Variants in POFUT3 observed in about 807,000 individuals in gnomAD.
The protein encoded by POFUT3 is GDP-fucose protein O-fucosyltransferase 3.
At chr8:33,347,391 A>C in the POFUT3 span, among the ~76,000 whole-genome samples, 1 of 152,232 alleles carries the variant, frequency 6.6e-6, no homozygotes, top group Non-Finnish European at 1.5e-5. Context: ...CAAATTATCT[A>C]AATTAATTAT....
chr8:33,314,034 C>G, the POFUT3 span, among the ~76,000 whole-genome samples: 1 of 152,162 alleles, frequency 6.6e-6, no homozygotes, highest in Admixed American at 6.6e-5. Context: ...CTCCCTATAA[C>G]TCTGCCTACT....
chr8:33,355,443 T>G, the POFUT3 span, among the ~76,000 whole-genome samples: 1 of 152,162 alleles, frequency 6.6e-6, no homozygotes, highest in East Asian at 1.9e-4. Flanking sequence ...TGATCTGTTC[T>G]GAAAACTCCC....
the POFUT3 span, among the ~76,000 whole-genome samples, chr8:33,357,946 G>A: frequency 6.6e-6 from 1 of 152,086 alleles, no homozygotes; most frequent in African/African-American, 2.4e-5. Flanking sequence ...TCTACATTAT[G>A]GAATATTCTA....
the POFUT3 span, among the ~76,000 whole-genome samples, chr8:33,327,992 C>CTTAT: frequency 6.6e-6 from 1 of 152,172 alleles, no homozygotes; most frequent in African/African-American, 2.4e-5. Context: ...AGAGGCCACT[C>CTTAT]AATAGGGCAT....
the POFUT3 span, among the ~76,000 whole-genome samples, chr8:33,439,026 C>T: frequency 6.6e-6 from 1 of 152,214 alleles, no homozygotes; most frequent in Non-Finnish European, 1.5e-5. Context: ...TATCTATCTT[C>T]AAATCACATC....
At chr8:33,355,863 T>G in the POFUT3 span, among the ~76,000 whole-genome samples, 1 of 152,138 alleles carries the variant, frequency 6.6e-6, no homozygotes, top group South Asian at 2.1e-4. Context: ...GATGTTCCCC[T>G]TTCTGTGTCC....
chr8:33,409,832 G>A, the POFUT3 span, among the ~76,000 whole-genome samples: 1 of 152,230 alleles, frequency 6.6e-6, no homozygotes, highest in South Asian at 2.1e-4. Context: ...GTGAACCCAT[G>A]AGGCGGAGCT....
At chr8:33,375,642 T>C in the POFUT3 span, among the ~76,000 whole-genome samples, 1 of 152,232 alleles carries the variant, frequency 6.6e-6, no homozygotes. Flanking sequence ...ACTACATGGT[T>C]TATTTTTTAA....
the POFUT3 span, among the ~76,000 whole-genome samples, chr8:33,385,941 G>T: frequency 1.9e-4 from 28 of 150,844 alleles, no homozygotes; most frequent in African/African-American, 6.8e-4. Context: ...TAATCCCAGA[G>T]CTTTGGGAGG....
chr8:33,372,402 C>T, the POFUT3 span: 2 of 1,393,552 alleles, frequency 1.4e-6, no homozygotes, highest in Non-Finnish European at 1.9e-6. Context: ...ATAGTGGCTA[C>T]CCCTAAGGGT....
chr8:33,412,469 G>C, the POFUT3 span, among the ~76,000 whole-genome samples: 1 of 152,226 alleles, frequency 6.6e-6, no homozygotes, highest in East Asian at 1.9e-4. Context: ...TGCAGGTACA[G>C]CACAGGGAAA....
chr8:33,418,715 C>A, the POFUT3 span, among the ~76,000 whole-genome samples: 2 of 152,192 alleles, frequency 1.3e-5, no homozygotes, highest in African/African-American at 4.8e-5. Context: ...ATCCAGCAAT[C>A]CCACTGCTGG....
chr8:33,393,556 C>T, the POFUT3 span, among the ~76,000 whole-genome samples: 1 of 152,240 alleles, frequency 6.6e-6, no homozygotes, highest in Non-Finnish European at 1.5e-5. Flanking sequence ...CCCTCTCCTT[C>T]TGCAGGAGCA....
the POFUT3 span, among the ~76,000 whole-genome samples, chr8:33,410,772 T>A: frequency 6.6e-6 from 1 of 152,110 alleles, no homozygotes; most frequent in Non-Finnish European, 1.5e-5. Flanking sequence ...GACTCTTCCA[T>A]CTGATGGTTT....
At chr8:33,460,789 G>A in the POFUT3 span, 4 of 982,664 alleles carry the variant, frequency 4.1e-6, no homozygotes, top group Non-Finnish European at 4.8e-6. Context: ...AAAAAGGGGG[G>A]CAGGGGGTGA....
the POFUT3 span, among the ~76,000 whole-genome samples, chr8:33,308,972 G>C: frequency 2.0e-5 from 3 of 150,042 alleles, no homozygotes; most frequent in Non-Finnish European, 4.4e-5. Flanking sequence ...GTCTGGTGGC[G>C]AATCCTCCAT....
At chr8:33,336,026 T>C in the POFUT3 span, among the ~76,000 whole-genome samples, 3 of 152,270 alleles carry the variant, frequency 2.0e-5, no homozygotes, top group East Asian at 5.8e-4. Flanking sequence ...CAAACGCATG[T>C]TGTTCAAAGG....
At chr8:33,462,201 A>G in the POFUT3 span, among the ~76,000 whole-genome samples, 11 of 63,002 alleles carry the variant, frequency 1.7e-4, no homozygotes, top group Admixed American at 5.3e-4. Flanking sequence ...ACTCATGGCC[A>G]CACAGCCCAT....
At chr8:33,349,589 C>T in the POFUT3 span, among the ~76,000 whole-genome samples, 1 of 152,176 alleles carries the variant, frequency 6.6e-6, no homozygotes, top group African/African-American at 2.4e-5. Context: ...CAACTCCATA[C>T]AAGCAGCTGC....
Sources: allele counts gnomAD v4.1 joint callset (sites outside exome capture counted in the v4.1 genomes callset), GRCh38; gene constraint gnomAD v4.1.1; transcripts MANE v1.5; gene names NCBI Gene and HGNC (gene_info 2026-07-23, HGNC 2026-07-21).